PLXNA4: variants seen among roughly 807,000 people sequenced by gnomAD.
PLXNA4 encodes plexin A4.
Under a neutral mutation model 191.8 loss-of-function variants are expected in PLXNA4, and 44 were observed. That is an observed-to-expected ratio of 0.23 (90% confidence interval 0.18 to 0.29). PLXNA4 has a LOEUF of 0.29. Among genes scored for constraint, PLXNA4 ranks in the 10% least tolerant of loss-of-function variants. The pLI, the probability that PLXNA4 is intolerant of heterozygous loss-of-function variation, is 1.00. For missense variants in PLXNA4, 1,800 were observed against 2,488.8 expected (o/e 0.72, Z 5.89); for synonymous variants, 1,082 against 1,009.5 (o/e 1.07, Z -1.36).
chr7:132,599,565 T>A (rs191016825), intron 2 of PLXNA4, among the ~76,000 whole-genome samples: 8 of 152,206 alleles, frequency 5.3e-5, no homozygotes, highest in Non-Finnish European at 1.2e-4. Context: ...GTAGATCTGA[T>A]ACCCAGAAAT....
chr7:132,516,547 T>C (rs1203739166), intron 1 of PLXNA4, among the ~76,000 whole-genome samples: 1 of 152,158 alleles, frequency 6.6e-6, no homozygotes, highest in East Asian at 1.9e-4. Flanking sequence ...ATGCAGGAGA[T>C]GCCAGTTGCT....
intron 25 of PLXNA4, among the ~76,000 whole-genome samples, chr7:132,157,818 C>A (rs1795839881): frequency 6.6e-6 from 1 of 152,250 alleles, no homozygotes; most frequent in Non-Finnish European, 1.5e-5. Flanking sequence ...GAGTATTCCA[C>A]TCAATTGTTT....
intron 2 of PLXNA4, among the ~76,000 whole-genome samples, chr7:132,492,957 A>G (rs1797863885): frequency 1.3e-5 from 2 of 152,210 alleles, no homozygotes; most frequent in African/African-American, 2.4e-5. Flanking sequence ...CTGCAAACAC[A>G]GTATGCATTG....
chr7:132,563,171 C>G (rs1207878103), intron 1 of PLXNA4, among the ~76,000 whole-genome samples: 1 of 63,456 alleles, frequency 1.6e-5, no homozygotes, highest in Non-Finnish European at 3.6e-5. Flanking sequence ...TCCTCCTTCT[C>G]CTCCTCCTTC....
intron 2 of PLXNA4, among the ~76,000 whole-genome samples, chr7:132,597,670 A>C (rs1802738322): frequency 6.6e-6 from 1 of 152,082 alleles, no homozygotes; most frequent in Non-Finnish European, 1.5e-5. Context: ...CACTGACTAC[A>C]AATCTGTTAA....
chr7:132,185,793 G>A (rs537869702), intron 15 of PLXNA4, among the ~76,000 whole-genome samples: 4 of 152,200 alleles, frequency 2.6e-5, no homozygotes, highest in Admixed American at 1.3e-4. Context: ...GCCTTTGCAA[G>A]AATCACGTTA....
intron 3 of PLXNA4, among the ~76,000 whole-genome samples, chr7:132,467,382 A>G (rs1025371457): frequency 6.6e-6 from 1 of 152,140 alleles, no homozygotes; most frequent in Non-Finnish European, 1.5e-5. Context: ...GGCCAGAGGT[A>G]TTTGCTGTCC....
At chr7:132,602,340 T>G (rs1802836134) in intron 2 of PLXNA4, among the ~76,000 whole-genome samples, 1 of 152,196 alleles carries the variant, frequency 6.6e-6, no homozygotes, top group Non-Finnish European at 1.5e-5. Context: ...GCAGGGAGGT[T>G]TGGAGCTCAG....
At chr7:132,563,928 T>C (rs1230614813) in intron 1 of PLXNA4, among the ~76,000 whole-genome samples, 9 of 82,620 alleles carry the variant, frequency 1.1e-4, no homozygotes, top group East Asian at 4.3e-4. Flanking sequence ...TCTCCTCCTT[T>C]TCCTCGTCCT....
intron 10 of PLXNA4, among the ~76,000 whole-genome samples, chr7:132,207,719 C>T (rs1238819860): frequency 6.6e-6 from 1 of 152,220 alleles, no homozygotes; most frequent in African/African-American, 2.4e-5. Flanking sequence ...ATCACAAACT[C>T]ATGGATTTCT....
At chr7:132,362,267 T>C (rs1250124364) in intron 3 of PLXNA4, among the ~76,000 whole-genome samples, 1 of 152,216 alleles carries the variant, frequency 6.6e-6, no homozygotes, top group Non-Finnish European at 1.5e-5. Flanking sequence ...GGGATCCTAT[T>C]GATGTGGTAG....
At chr7:132,609,265 C>G (rs369123142) in intron 2 of PLXNA4, among the ~76,000 whole-genome samples, 48 of 152,280 alleles carry the variant, frequency 3.2e-4, no homozygotes, top group East Asian at 9.7e-4. Context: ...TGAGTAGGGC[C>G]ACTCAGTAAT....
rs953935156 is a variant in PLXNA4 at position 132,576,094 on chromosome 7, G to A, written c.-87+328C>T. ...AAAAATTGCTCCCTCAACCTCCCCGGGTGGGAGGCAGAGCCGGGAATACAC... is the reference window on the plus strand; with the variant it reads ...AAAAATTGCTCCCTCAACCTCCCCGAGTGGGAGGCAGAGCCGGGAATACAC... On this transcript the variant is annotated intron_variant, in intron 1 of 31. Transcript: ENST00000321063. The surrounding 1 kb of genome is among the most constrained non-coding windows in gnomAD (Gnocchi z 5.8). 2.0e-5 allele frequency among the ~76,000 whole-genome samples: 3 copies of A among 152,222 alleles called. No individual in the cohort carries two copies. The highest frequency in any genetic ancestry group is 7.2e-5 in the African/African-American group (3 of 41,464).
intron 1 of PLXNA4, among the ~76,000 whole-genome samples, chr7:132,572,855 A>G (rs771075081): frequency 2.6e-5 from 4 of 152,240 alleles, no homozygotes; most frequent in Non-Finnish European, 5.9e-5. Flanking sequence ...GACCAAGCAT[A>G]GCTCGATAGA....
At chr7:132,314,711 T>C (rs1008003896) in intron 3 of PLXNA4, among the ~76,000 whole-genome samples, 94 of 152,206 alleles carry the variant, frequency 6.2e-4, no homozygotes, top group African/African-American at 2.2e-3. Flanking sequence ...CTGTCCTGGG[T>C]CTGCACGCTG....
chr7:132,357,604 C>A (rs1238546159), intron 3 of PLXNA4, among the ~76,000 whole-genome samples: 3 of 152,172 alleles, frequency 2.0e-5, no homozygotes, highest in Non-Finnish European at 2.9e-5. Context: ...AAGATAGGAT[C>A]CGCTGGAGCC....
rs976903704 is a variant in PLXNA4 at position 132,148,047 on chromosome 7, T to C, written c.4765-48A>G. On this transcript the variant is annotated intron_variant, in intron 26 of 31. Transcript: ENST00000321063. Reference sequence around the variant, plus strand: ...GGCCTAGGCACAGCAGCTCTGCCACTCCAGGAAATAAGGACAAATCATGAT... The same window carrying C: ...GGCCTAGGCACAGCAGCTCTGCCACCCCAGGAAATAAGGACAAATCATGAT... The C allele has an allele frequency of 3.7e-6, 6 of 1,613,488 alleles. No homozygotes were observed. In the Admixed American group the frequency reaches 5.0e-5, roughly 13 times the overall value.
chr7:132,365,474 G>C (rs1007677903), intron 3 of PLXNA4, among the ~76,000 whole-genome samples: 4 of 152,122 alleles, frequency 2.6e-5, no homozygotes, highest in Non-Finnish European at 4.4e-5. Flanking sequence ...CCCCCTTTGG[G>C]GGCTCAGTTT....
intron 3 of PLXNA4, among the ~76,000 whole-genome samples, chr7:132,388,297 G>A (rs1348410339): frequency 2.0e-5 from 3 of 151,942 alleles, no homozygotes; most frequent in Non-Finnish European, 4.4e-5. Context: ...CTCCCCTTCT[G>A]CCCCAAATCA....
Sources: gnomAD v4.1 joint callset for allele counts (sites outside exome capture counted in the v4.1 genomes callset) on GRCh38, gnomAD v4.1.1 for gene constraint, Gnocchi (gnomAD v3.1) non-coding constraint, MANE v1.5 for transcripts, NCBI Gene and HGNC (gene_info 2026-07-23, HGNC 2026-07-21) for gene names.